The following KLF12 variants were observed in gnomAD, a reference collection of about 807,000 sequenced individuals.
KLF12 encodes Krueppel-like factor 12.
A neutral mutation model predicts 37.8 loss-of-function variants in KLF12; 9 were observed. The observed-to-expected ratio is 0.24, with a 90% CI of 0.14 to 0.42. KLF12 has a LOEUF of 0.42. Among genes scored for constraint, KLF12 ranks in the 10% least tolerant of loss-of-function variants. KLF12 has a pLI of 1.00. For missense variants in KLF12, 411 were observed against 516.0 expected, an observed-to-expected ratio of 0.80 and a Z score of 1.97; for synonymous variants, 208 against 202.1, an observed-to-expected ratio of 1.03 and a Z score of -0.25.
chr13:74,301,313 G>A, the KLF12 span, among the ~76,000 whole-genome samples: 1 of 152,054 alleles, frequency 6.6e-6, no homozygotes, highest in Non-Finnish European at 1.5e-5. Flanking sequence ...CACCAGCACT[G>A]AACACTGTAC....
intron 6 of KLF12, among the ~76,000 whole-genome samples, chr13:73,738,434 A>G (rs944644212): frequency 2.0e-5 from 3 of 151,880 alleles, no homozygotes; most frequent in Non-Finnish European, 2.9e-5. Context: ...TTACAGGCAT[A>G]AGCCACCATA....
At chr13:74,246,273 G>A in the KLF12 span, among the ~76,000 whole-genome samples, 7 of 152,324 alleles carry the variant, frequency 4.6e-5, no homozygotes, top group South Asian at 2.1e-4. Flanking sequence ...GGAATTGCAG[G>A]ATGAACTAGG....
At chr13:73,989,087 A>G (rs1389011837) in intron 2 of KLF12, among the ~76,000 whole-genome samples, 1 of 152,216 alleles carries the variant, frequency 6.6e-6, no homozygotes, top group African/African-American at 2.4e-5. Flanking sequence ...CCTTAAATCC[A>G]TTTAAAAGGT....
At chr13:73,964,241 T>C (rs535245140) in intron 2 of KLF12, among the ~76,000 whole-genome samples, 1 of 152,100 alleles carries the variant, frequency 6.6e-6, no homozygotes, top group Non-Finnish European at 1.5e-5. Context: ...ACTACAGCCA[T>C]GGATGCAGAG....
intron 4 of KLF12, among the ~76,000 whole-genome samples, chr13:73,825,094 C>T (rs1359094932): frequency 6.6e-6 from 1 of 151,740 alleles, no homozygotes; most frequent in Non-Finnish European, 1.5e-5. Flanking sequence ...TAGAAATATG[C>T]ATTCTCTGTG....
Position 73,695,942 on chromosome 13 carries a change from C to T in KLF12, c.1028-271G>A, listed in dbSNP as rs559372013. Among the ~76,000 whole-genome samples, 37 of 152,250 alleles carry T rather than the reference C, an allele frequency of 2.4e-4. 1 individual carries two copies. In the South Asian group the frequency reaches 7.1e-3, roughly 29 times the overall value. On this transcript the variant is annotated intron_variant, in intron 7 of 7. Coordinates refer to ENST00000377669, the MANE Select transcript of KLF12 (RefSeq NM_007249.5). ...AACATATAAAGGCATGGATTGACTG[C>T]CACTGGATATATCACCACTAGTAGA...
At chr13:74,163,270 A>T in the KLF12 span, among the ~76,000 whole-genome samples, 6 of 152,296 alleles carry the variant, frequency 3.9e-5, no homozygotes, top group South Asian at 1.2e-3. Context: ...TATCAAAGAG[A>T]TATCTGCACT....
intron 3 of KLF12, among the ~76,000 whole-genome samples, chr13:73,868,963 T>G (rs986965109): frequency 6.6e-6 from 1 of 152,198 alleles, no homozygotes; most frequent in Admixed American, 6.5e-5. Flanking sequence ...TTTTAAAGGA[T>G]AATCATTACT....
chr13:74,181,360 T>TG, the KLF12 span, among the ~76,000 whole-genome samples: 2 of 133,512 alleles, frequency 1.5e-5, no homozygotes, highest in East Asian at 2.2e-4. Context: ...TTGACAAAAG[T>TG]GAAAAAAAAA....
intron 1 of KLF12, among the ~76,000 whole-genome samples, chr13:74,015,005 A>T (rs1490081207): frequency 1.3e-5 from 2 of 152,062 alleles, no homozygotes; most frequent in African/African-American, 4.8e-5. Flanking sequence ...TAACTACTAC[A>T]GTTTATTACC....
At chr13:74,131,039 C>T (rs1226534534) in intron 1 of KLF12, among the ~76,000 whole-genome samples, 1 of 152,098 alleles carries the variant, frequency 6.6e-6, no homozygotes, top group Non-Finnish European at 1.5e-5. Context: ...GTAAGGTTAC[C>T]CCAAACTCTA....
rs183587659 is a variant in KLF12 at position 73,717,399 on chromosome 13, G to C, written c.870-1874C>G. ...TGGAATTAGATGAAACATGGCAGGA[G>C]TCCAGTGAATATTCATTGCCATTTC... On this transcript the variant is annotated intron_variant, in intron 6 of 7. Coordinates refer to ENST00000377669, the MANE Select transcript of KLF12 (RefSeq NM_007249.5). 2.9e-3 allele frequency among the ~76,000 whole-genome samples: 441 copies of C among 152,344 alleles called. 2 individuals carry two copies. The highest frequency in any genetic ancestry group is 4.7e-3 in the Non-Finnish European group (321 of 68,036).
At chr13:73,904,107 A>G (rs1888159680) in intron 3 of KLF12, among the ~76,000 whole-genome samples, 2 of 152,342 alleles carry the variant, frequency 1.3e-5, no homozygotes, top group Admixed American at 1.3e-4. Flanking sequence ...ACCTTTGGGC[A>G]AACCTCTGGA....
chr13:73,916,298 G>A (rs956235503), intron 3 of KLF12, among the ~76,000 whole-genome samples: 2 of 150,358 alleles, frequency 1.3e-5, no homozygotes, highest in Non-Finnish European at 3.0e-5. Context: ...TTACATAATC[G>A]CTGACACTTT....
At chr13:74,010,067 A>C (rs1892511020) in intron 1 of KLF12, among the ~76,000 whole-genome samples, 1 of 151,670 alleles carries the variant, frequency 6.6e-6, no homozygotes, top group South Asian at 2.1e-4. Flanking sequence ...CTCCCACTTG[A>C]GCCTCCCAAG....
At chr13:74,187,057 A>G in the KLF12 span, among the ~76,000 whole-genome samples, 1 of 152,208 alleles carries the variant, frequency 6.6e-6, no homozygotes, top group Non-Finnish European at 1.5e-5. Flanking sequence ...CCTTTGTGTA[A>G]AAATGCTGAT....
chr13:73,815,719 A>T (rs1227178514), intron 4 of KLF12, among the ~76,000 whole-genome samples: 1 of 152,194 alleles, frequency 6.6e-6, no homozygotes, highest in Admixed American at 6.5e-5. Flanking sequence ...CAAATTTGCA[A>T]ACAGCCAAGA....
chr13:73,769,486 A>G (rs887764357), intron 5 of KLF12, among the ~76,000 whole-genome samples: 5 of 151,692 alleles, frequency 3.3e-5, no homozygotes, highest in Non-Finnish European at 7.4e-5. Context: ...ATTCTTTCAA[A>G]CTCTAAATGT....
chr13:73,714,714 G>C (rs1566313891), intron 7 of KLF12, among the ~76,000 whole-genome samples: 1 of 152,180 alleles, frequency 6.6e-6, no homozygotes, highest in African/African-American at 2.4e-5. Flanking sequence ...ACAGAAGGCA[G>C]AGGATGGGGT....
Sources: gnomAD v4.1 joint callset for allele counts (sites outside exome capture counted in the v4.1 genomes callset) on GRCh38, gnomAD v4.1.1 for gene constraint, MANE v1.5 for transcripts, NCBI Gene and HGNC (gene_info 2026-07-23, HGNC 2026-07-21) for gene names.